The following MMP26 variants were observed in gnomAD, a reference collection of about 807,000 sequenced individuals.
MMP26 encodes the protein matrix metallopeptidase 26, also known as matrix metalloproteinase-26.
In MMP26, 33 loss-of-function variants were observed where a neutral mutation model predicts 31.0. The observed-to-expected ratio is 1.06, with a 90% CI of 0.81 to 1.42. The LOEUF (loss-of-function observed/expected upper bound fraction) is 1.42, where lower values mean the gene tolerates loss of function less well. Among genes scored for constraint, MMP26 ranks in the 40% most tolerant of loss-of-function variants. The probability of loss-of-function intolerance (pLI) is 0.00; values close to 1 mark genes in which losing one functional copy is unlikely to be tolerated. For missense variants in MMP26, 347 were observed against 316.1 expected, an observed-to-expected ratio of 1.10 and a Z score of -0.74; for synonymous variants, 122 against 114.9, an observed-to-expected ratio of 1.06 and a Z score of -0.40.
chr11:4,973,283 C>T (rs115909008), intron 2 of MMP26: 1 of 153,560 alleles, frequency 6.5e-6, no homozygotes, highest in Non-Finnish European at 1.5e-5. Context: ...CACAAATAAG[C>T]CATAGATGAT....
chr11:4,721,142 G>A (rs531412149), intron 1 of MMP26, among the ~76,000 whole-genome samples: 1 of 152,148 alleles, frequency 6.6e-6, no homozygotes, highest in African/African-American at 2.4e-5. Flanking sequence ...CTTATCAAAA[G>A]CAGAGTCTAT....
intron 2 of MMP26, among the ~76,000 whole-genome samples, chr11:4,931,399 T>C (rs553494134): frequency 1.3e-5 from 2 of 152,130 alleles, no homozygotes; most frequent in East Asian, 3.9e-4. Context: ...GGCTAGAGAT[T>C]TGCTCATGGC....
At chr11:4,846,916 G>T (rs1265152649) in intron 2 of MMP26, among the ~76,000 whole-genome samples, 1 of 152,082 alleles carries the variant, frequency 6.6e-6, no homozygotes, top group East Asian at 1.9e-4. Context: ...AATTCTCACT[G>T]GTCAGTAGGT....
intron 2 of MMP26, among the ~76,000 whole-genome samples, chr11:4,808,114 A>T (rs1407550457): frequency 6.6e-6 from 1 of 152,192 alleles, no homozygotes; most frequent in African/African-American, 2.4e-5. Flanking sequence ...CCCAAATTTT[A>T]TTGTTTCTAA....
intron 2 of MMP26, among the ~76,000 whole-genome samples, chr11:4,926,394 C>T (rs1851274215): frequency 6.6e-6 from 1 of 151,932 alleles, no homozygotes; most frequent in South Asian, 2.1e-4. Context: ...GGAGAGAGAG[C>T]ATTCATTAAG....
intron 2 of MMP26, among the ~76,000 whole-genome samples, chr11:4,861,783 C>T (rs1175317586): frequency 6.6e-6 from 1 of 152,094 alleles, no homozygotes; most frequent in Non-Finnish European, 1.5e-5. Context: ...CCTTCTAATA[C>T]ATTCTTCATT....
chr11:4,845,302 GAATA>G (rs2133493640), intron 2 of MMP26, among the ~76,000 whole-genome samples: 1 of 152,148 alleles, frequency 6.6e-6, no homozygotes, highest in South Asian at 2.1e-4. Flanking sequence ...TGGACTGAAA[GAATA>G]AATATTGTTA....
intron 2 of MMP26, among the ~76,000 whole-genome samples, chr11:4,896,502 A>G (rs1251575052): frequency 6.6e-6 from 1 of 152,200 alleles, no homozygotes; most frequent in Non-Finnish European, 1.5e-5. Flanking sequence ...AGGCATTGCT[A>G]TGGTCAGACT....
intron 1 of MMP26, among the ~76,000 whole-genome samples, chr11:4,707,388 G>C (rs1340271731): frequency 6.6e-6 from 1 of 152,040 alleles, no homozygotes; most frequent in African/African-American, 2.4e-5. Context: ...TTGTGTTTTT[G>C]CTACTGAGTT....
At chr11:4,941,279 A>G (rs1247819195) in intron 2 of MMP26, among the ~76,000 whole-genome samples, 1 of 152,208 alleles carries the variant, frequency 6.6e-6, no homozygotes, top group Non-Finnish European at 1.5e-5. Context: ...GCAACCACAT[A>G]TAGCCAGCCT....
At chr11:4,915,289 A>T (rs1564806271) in intron 2 of MMP26, 1 of 1,614,082 alleles carries the variant, frequency 6.2e-7, no homozygotes, top group Admixed American at 1.7e-5. Context: ...CAAAGCGGTC[A>T]AAGGCCATAG....
chr11:4,963,547 T>C (rs1369997355), intron 2 of MMP26, among the ~76,000 whole-genome samples: 1 of 152,190 alleles, frequency 6.6e-6, no homozygotes, highest in Non-Finnish European at 1.5e-5. Context: ...TATAGACCGA[T>C]GGAACAGAAC....
chr11:4,759,158 A>G (rs1589892307), intron 1 of MMP26, among the ~76,000 whole-genome samples: 2 of 151,954 alleles, frequency 1.3e-5, no homozygotes, highest in South Asian at 4.1e-4. Flanking sequence ...GGCAAAAATA[A>G]TTAAAAATGG....
intron 2 of MMP26, among the ~76,000 whole-genome samples, chr11:4,790,112 C>T (rs1228200187): frequency 1.3e-5 from 2 of 151,990 alleles, no homozygotes; most frequent in South Asian, 2.1e-4. Flanking sequence ...GAGGCCAACG[C>T]AGGCCGATCA....
At chr11:4,943,708 G>A (rs1482273994) in intron 2 of MMP26, 3 of 353,858 alleles carry the variant, frequency 8.5e-6, no homozygotes, top group Admixed American at 7.3e-5. Flanking sequence ...CACTGTTTAA[G>A]GAGCCCCAGA....
chr11:4,909,588 T>C (rs1850958952), intron 2 of MMP26: 2 of 152,174 alleles, frequency 1.3e-5, no homozygotes, highest in Non-Finnish European at 2.9e-5. Context: ...AGTAAATACA[T>C]ATTTTAAACA....
Position 4,713,581 on chromosome 11 carries a change from T to C in MMP26, c.-217+8536T>C, listed in dbSNP as rs370706322. Among the ~76,000 whole-genome samples, 6 of 150,016 alleles carry C rather than the reference T, an allele frequency of 4.0e-5. No homozygotes were observed. The East Asian group carries it at 1.2e-3, about 29-fold the overall frequency. ...CCAAGGAGCTCTGGAGGGAAAAGACTCTGTTTTATTCTCTGTATTACCAGT... is the reference window on the plus strand; with the variant it reads ...CCAAGGAGCTCTGGAGGGAAAAGACCCTGTTTTATTCTCTGTATTACCAGT... On this transcript the variant is annotated intron_variant, in intron 1 of 7. Transcript: ENST00000380390.
intron 2 of MMP26, among the ~76,000 whole-genome samples, chr11:4,805,727 GC>G (rs1299563712): frequency 3.3e-5 from 5 of 152,176 alleles, no homozygotes; most frequent in African/African-American, 1.2e-4. Flanking sequence ...CCCAGACAGA[GC>G]CCTATTGACT....
intron 2 of MMP26, among the ~76,000 whole-genome samples, chr11:4,959,044 C>T (rs1231292606): frequency 6.6e-6 from 1 of 151,998 alleles, no homozygotes; most frequent in Non-Finnish European, 1.5e-5. Flanking sequence ...CGAGACCATC[C>T]TGGCTAACAC....
Sources: allele counts gnomAD v4.1 joint callset (sites outside exome capture counted in the v4.1 genomes callset), GRCh38; gene constraint gnomAD v4.1.1; transcripts MANE v1.5; gene names NCBI Gene and HGNC (gene_info 2026-07-23, HGNC 2026-07-21).